SERAC1: variants seen among roughly 807,000 people sequenced by gnomAD.
SERAC1 encodes protein SERAC1.
In SERAC1, 36 loss-of-function variants were observed where a neutral mutation model predicts 85.7. The observed-to-expected ratio is 0.42, with a 90% CI of 0.32 to 0.55. The LOEUF (loss-of-function observed/expected upper bound fraction) is 0.55. SERAC1 is among the 20% of genes least tolerant of loss of function. The pLI is 0.11. For synonymous variants in SERAC1, 242 were observed against 265.3 expected, an observed-to-expected ratio of 0.91 and a Z score of 0.85; for missense variants, 629 against 796.2, an observed-to-expected ratio of 0.79 and a Z score of 2.53.
At chr6:158,133,163 G>A (rs145816988) in intron 8 of SERAC1, among the ~76,000 whole-genome samples, 127 of 151,858 alleles carry the variant, frequency 8.4e-4, no homozygotes, top group Non-Finnish European at 1.5e-3. Flanking sequence ...GCTGGGCAAG[G>A]TGGTGCACAC....
In SERAC1 at chr6:158,120,053, C is replaced by T. The variant is rs1476375067; in HGVS notation, c.1166+372G>A. ...ATTTGGTTGCCACATAAGACAATGT[C>T]TTATCTCCTTCCTATTCAGCTGACT... On this transcript the variant is annotated intron_variant, in intron 11 of 16. Coordinates refer to ENST00000647468, the MANE Select transcript of SERAC1 (RefSeq NM_032861.4). This position sits in a 1 kb window ranked among gnomAD's most constrained non-coding sequence, Gnocchi z 4.4. Among the ~76,000 whole-genome samples the T allele has an allele frequency of 6.6e-6, 1 of 152,166 alleles. No homozygotes were observed. Among genetic ancestry groups the T allele is most frequent in the Non-Finnish European group, 1.5e-5 (1 of 68,028 alleles).
chr6:158,124,012 T>G (rs990755269), intron 10 of SERAC1, among the ~76,000 whole-genome samples: 1 of 152,116 alleles, frequency 6.6e-6, no homozygotes, highest in Non-Finnish European at 1.5e-5. Flanking sequence ...AGTAGAGTAC[T>G]AGACAACTCA....
intron 6 of SERAC1, chr6:158,145,918 A>C (rs1012869640): frequency 6.6e-6 from 1 of 152,200 alleles, no homozygotes; most frequent in South Asian, 2.1e-4. Context: ...AGAAGATATG[A>C]GTTCTTTTAA....
intron 16 of SERAC1, 124 bp downstream of exon 16, chr6:158,113,325 A>T (rs1784191400): frequency 1.3e-6 from 1 of 753,932 alleles, no homozygotes. Flanking sequence ...AAAAGAAATC[A>T]AATCTAGACC....
chr6:158,113,725 T>C (rs1784203284), intron 15 of SERAC1, 133 bp from the exon 16 acceptor site: 1 of 790,364 alleles, frequency 1.3e-6, no homozygotes, highest in Non-Finnish European at 1.9e-6. Flanking sequence ...CATGTTTATT[T>C]TCTCCCCTGC....
At chr6:158,137,673 C>T (rs766976763) in intron 8 of SERAC1, among the ~76,000 whole-genome samples, 4 of 151,924 alleles carry the variant, frequency 2.6e-5, no homozygotes, top group African/African-American at 7.3e-5. Context: ...GCCAGGAGTT[C>T]GAGACCAGCC....
chr6:158,111,772 A>G, intron 16 of SERAC1: 1 of 241,672 alleles, frequency 4.1e-6, no homozygotes, highest in Non-Finnish European at 8.0e-6. Flanking sequence ...CAGAGCAAGC[A>G]GAGATTGAGC....
chr6:158,167,537 C>CAAAAAAAAAAAAAAAAAAAAAAAAA (rs71542916), intron 1 of SERAC1, among the ~76,000 whole-genome samples: 1 of 69,922 alleles, frequency 1.4e-5, no homozygotes, highest in Non-Finnish European at 3.2e-5. Context: ...GACTCCATCT[C>CAAAAAAAAAAAAAAAAAAAAAAAAA]AAAAAAAAAA....
At position 158,120,685 on chromosome 6, in the gene SERAC1, T is replaced by C; in HGVS notation, c.1016-110A>G. On this transcript the variant is annotated intron_variant, in intron 10 of 16. Transcript: ENST00000647468. The surrounding 1 kb of genome is among the most constrained non-coding windows in gnomAD (Gnocchi z 4.4). ...GGGAGAAAGGCAAACCTTGCGTGTC[T>C]GTCCTTGGCGGAGAAGTCCGACTAT... 2.5e-6 allele frequency: 3 copies of C among 1,211,142 alleles called. No homozygotes were observed. The highest frequency in any genetic ancestry group is 3.4e-6 in the Non-Finnish European group (3 of 884,186). The allele number at this position is 1,211,142 out of a possible 1,614,324, so 75.0% of individuals were successfully genotyped here. A position where few individuals can be genotyped will look rare whatever the true frequency, so the allele number is the denominator to read the frequency against.
chr6:158,161,963 T>TC (rs1785498382), intron 1 of SERAC1: 1 of 152,266 alleles, frequency 6.6e-6, no homozygotes, highest in African/African-American at 2.4e-5. Flanking sequence ...GTTCATTCCT[T>TC]CCCACAAAAA....
chr6:158,143,650 C>T (rs1784984804), intron 7 of SERAC1, among the ~76,000 whole-genome samples: 1 of 151,832 alleles, frequency 6.6e-6, no homozygotes, highest in Non-Finnish European at 1.5e-5. Flanking sequence ...AAATCCAGAA[C>T]TTGTTACTAT....
At position 158,128,167 on chromosome 6, in the gene SERAC1, A is replaced by G. The variant is rs1317166373; in HGVS notation, c.956T>C (p.Met319Thr). Residue 319 changes from methionine to threonine, a missense_variant, in exon 10 of 17, where the codon ATG becomes ACG. Coordinates refer to ENST00000647468, the MANE Select transcript of SERAC1 (RefSeq NM_032861.4). The stretch of plus-strand genomic sequence containing the variant: ...CAAAGCCATATTTCCAATGACACGC[A>G]TTATATTTCTCTGTACTTTAGGGCA... ...KDCPKVQRNIMRVIGNMALNE... is the reference protein window; with the variant it reads ...KDCPKVQRNITRVIGNMALNE... 6.2e-7 allele frequency: 1 copy of G among 1,614,182 alleles called. No individual in the cohort carries two copies. The highest frequency in any genetic ancestry group is 8.5e-7 in the Non-Finnish European group (1 of 1,180,004).
intron 9 of SERAC1, among the ~76,000 whole-genome samples, chr6:158,129,699 TTG>T (rs1227184139): frequency 4.1e-5 from 5 of 122,602 alleles, no homozygotes; most frequent in Admixed American, 7.6e-5. Flanking sequence ...TTTTTTTGTT[TTG>T]TTTTTTTTTT....
chr6:158,137,775 A>C (rs563343988), intron 8 of SERAC1, among the ~76,000 whole-genome samples: 4 of 152,280 alleles, frequency 2.6e-5, no homozygotes, highest in African/African-American at 9.6e-5. Context: ...GCTACTTGGG[A>C]GGCTGAGGTG....
intron 1 of SERAC1, among the ~76,000 whole-genome samples, chr6:158,165,296 C>T (rs944113756): frequency 8.5e-5 from 13 of 152,106 alleles, no homozygotes; most frequent in African/African-American, 2.4e-4. Context: ...GCTGGGACTA[C>T]AGGCGGCTGC....
chr6:158,118,297 G>C (rs921813561), intron 12 of SERAC1, among the ~76,000 whole-genome samples: 4 of 152,098 alleles, frequency 2.6e-5, no homozygotes, highest in African/African-American at 9.7e-5. Flanking sequence ...TCTTCTACTT[G>C]ATAAGCCTTT....
chr6:158,141,234 G>C (rs984467194), intron 8 of SERAC1, among the ~76,000 whole-genome samples: 2 of 152,188 alleles, frequency 1.3e-5, no homozygotes. Flanking sequence ...GAAATGTCCA[G>C]AACAGGCCAA....
rs374374755 is a variant in SERAC1 at position 158,113,439 on chromosome 6, G to C, written c.1828+10C>G. On this transcript the variant is annotated intron_variant, in intron 16 of 16. Coordinates refer to ENST00000647468, the MANE Select transcript of SERAC1 (RefSeq NM_032861.4). Reference sequence around the variant, plus strand: ...ATCTAACAGCCAACAAGTTTCAAAAGAGTGAATACCTGCTGATTCCACAGG... The same window carrying C: ...ATCTAACAGCCAACAAGTTTCAAAACAGTGAATACCTGCTGATTCCACAGG... 66 of 1,605,618 alleles carry C rather than the reference G, an allele frequency of 4.1e-5. No individual in the cohort carries two copies. The African/African-American group carries it at 7.6e-4, about 19-fold the overall frequency.
chr6:158,153,497 T>G (rs767883150), intron 3 of SERAC1, among the ~76,000 whole-genome samples: 9 of 152,260 alleles, frequency 5.9e-5, no homozygotes, highest in Non-Finnish European at 1.2e-4. Context: ...TACCTTCTGA[T>G]AGTATACATA....
Sources: gnomAD v4.1 joint callset for allele counts (sites outside exome capture counted in the v4.1 genomes callset) on GRCh38, gnomAD v4.1.1 for gene constraint, Gnocchi (gnomAD v3.1) non-coding constraint, MANE v1.5 for transcripts, NCBI Gene and HGNC (gene_info 2026-07-23, HGNC 2026-07-21) for gene names.